UVRAG: variants seen among roughly 807,000 people sequenced by gnomAD.
The protein encoded by UVRAG is UV radiation resistance-associated gene protein.
A neutral mutation model predicts 78.0 loss-of-function variants in UVRAG; 19 were observed. The observed-to-expected ratio is 0.24, with a 90% CI of 0.17 to 0.36. The LOEUF (loss-of-function observed/expected upper bound fraction) is 0.36. Among genes scored for constraint, UVRAG ranks in the 10% least tolerant of loss-of-function variants. The pLI, the probability that UVRAG is intolerant of heterozygous loss-of-function variation, is 1.00. For missense variants in UVRAG, 740 were observed against 853.8 expected (o/e 0.87, Z 1.66); for synonymous variants, 323 against 324.6 (o/e 1.00, Z 0.05).
intron 1 of UVRAG, among the ~76,000 whole-genome samples, chr11:75,841,417 G>A (rs900325420): frequency 3.9e-5 from 6 of 152,124 alleles, no homozygotes; most frequent in Admixed American, 2.0e-4. Context: ...ACTGAAAAGC[G>A]TAAAAGATTT....
intron 6 of UVRAG, among the ~76,000 whole-genome samples, chr11:75,950,962 G>GCACACACACA (rs1565395206): frequency 3.2e-5 from 4 of 125,972 alleles, no homozygotes; most frequent in African/African-American, 1.5e-4. Context: ...TTTGTCAGGT[G>GCACACACACA]TACACACACA....
chr11:75,869,396 T>C (rs1352026879), intron 3 of UVRAG, among the ~76,000 whole-genome samples: 1 of 152,244 alleles, frequency 6.6e-6, no homozygotes, highest in Non-Finnish European at 1.5e-5. Context: ...TATGAGTTAC[T>C]GGTCTGAGTG....
intron 5 of UVRAG, among the ~76,000 whole-genome samples, chr11:75,907,878 G>T (rs1224282290): frequency 2.0e-5 from 3 of 151,986 alleles, no homozygotes; most frequent in African/African-American, 7.3e-5. Flanking sequence ...GCTGTTCATG[G>T]TGTATAATCT....
Position 76,140,832 on chromosome 11 carries a change from G to A in UVRAG, c.1519G>A (p.Ala507Thr). The A allele has an allele frequency of 6.2e-7, 1 of 1,614,096 alleles. No individual in the cohort carries two copies. The highest frequency in any genetic ancestry group is 8.5e-7 in the Non-Finnish European group (1 of 1,180,026). Residue 507 changes from alanine (A) to threonine (T), a missense_variant, in exon 15 of 15, where the codon GCC becomes ACC. Coordinates refer to ENST00000356136, the MANE Select transcript of UVRAG (RefSeq NM_003369.4). The stretch of plus-strand genomic sequence containing the variant: ...ACCAGACAAAGGACATCGAAAACGG[G>A]CCAGCTCTGAGAATGAGAGACTTCA... ...PSPDKGHRKR[A>T]SSENERLQYK...
intron 14 of UVRAG, among the ~76,000 whole-genome samples, chr11:76,140,112 C>CCTCTCTCTCTCT (rs745755879): frequency 1.8e-4 from 2 of 11,292 alleles, no homozygotes; most frequent in African/African-American, 9.8e-4. Flanking sequence ...TCCCTCCCTC[C>CCTCTCTCTCTCT]CTCTCTCTCT....
intron 14 of UVRAG, among the ~76,000 whole-genome samples, chr11:76,133,240 G>A (rs981927251): frequency 6.6e-6 from 1 of 152,052 alleles, no homozygotes; most frequent in African/African-American, 2.4e-5. Context: ...GTAACTATTG[G>A]TAGCTATAAC....
chr11:75,824,220 A>G (rs902035680), intron 1 of UVRAG, among the ~76,000 whole-genome samples: 2 of 152,212 alleles, frequency 1.3e-5, no homozygotes, highest in East Asian at 1.9e-4. Flanking sequence ...TTGAGTATCT[A>G]AAAAGTAAAA....
chr11:75,982,590 G>A (rs1027199184), intron 7 of UVRAG, among the ~76,000 whole-genome samples: 14 of 152,310 alleles, frequency 9.2e-5, no homozygotes, highest in African/African-American at 3.4e-4. Flanking sequence ...CATGGGACTC[G>A]TTTGGTTACT....
chr11:76,068,818 T>A (rs972766609), intron 13 of UVRAG, among the ~76,000 whole-genome samples: 4 of 152,240 alleles, frequency 2.6e-5, no homozygotes, highest in African/African-American at 9.6e-5. Flanking sequence ...TTTTGAAGGT[T>A]TATTTTTATA....
chr11:76,111,114 T>C (rs73498256), intron 13 of UVRAG, among the ~76,000 whole-genome samples: 3,245 of 152,180 alleles, frequency 0.021, 119 homozygotes, highest in African/African-American at 0.074. Flanking sequence ...TGAATATGTT[T>C]GTTTAAGTCA....
intron 14 of UVRAG, among the ~76,000 whole-genome samples, chr11:76,132,431 T>C (rs1216394160): frequency 6.6e-6 from 1 of 152,204 alleles, no homozygotes; most frequent in Admixed American, 6.5e-5. Flanking sequence ...GGAAACATTT[T>C]GTAGGGAGGG....
chr11:75,882,244 C>T (rs1299663319), intron 4 of UVRAG, among the ~76,000 whole-genome samples: 1 of 152,024 alleles, frequency 6.6e-6, no homozygotes, highest in Non-Finnish European at 1.5e-5. Flanking sequence ...GGTGTGGTGG[C>T]TCATGCCTGT....
At chr11:75,942,358 C>CTT (rs1948501169) in intron 6 of UVRAG, 1 of 153,012 alleles carries the variant, frequency 6.5e-6, no homozygotes, top group African/African-American at 2.4e-5. Context: ...TGTCTAATGA[C>CTT]TTTGAATAAA....
rs368442775 is a variant in UVRAG, at chr11:76,103,401, C to T, written c.1306-12523C>T. On this transcript the variant is annotated intron_variant, in intron 13 of 14. Transcript: ENST00000356136. The stretch of plus-strand genomic sequence containing the variant: ...TGAGTCATTTTGTGATACCCAATCA[C>T]ACCTTTCACGTATATTTATTACATA... Among the ~76,000 whole-genome samples the T allele has an allele frequency of 3.9e-5, 6 of 152,270 alleles. No individual in the cohort carries two copies. In the East Asian group the frequency reaches 7.7e-4, roughly 20 times the overall value.
At chr11:76,059,976 A>G (rs1252881491) in intron 12 of UVRAG, among the ~76,000 whole-genome samples, 1 of 152,230 alleles carries the variant, frequency 6.6e-6, no homozygotes, top group Non-Finnish European at 1.5e-5. Context: ...AGTTGCCATC[A>G]AATAACTAAA....
chr11:76,101,837 A>G (rs978394564), intron 13 of UVRAG, among the ~76,000 whole-genome samples: 3 of 152,206 alleles, frequency 2.0e-5, no homozygotes, highest in Non-Finnish European at 2.9e-5. Flanking sequence ...TTGAATAGGG[A>G]GTCCTTTCTC....
intron 4 of UVRAG, among the ~76,000 whole-genome samples, chr11:75,881,220 G>A (rs1319028925): frequency 1.3e-5 from 2 of 152,140 alleles, no homozygotes; most frequent in Non-Finnish European, 2.9e-5. Flanking sequence ...GCCAAGATAG[G>A]ATGTGCCTGT....
chr11:76,102,493 A>T (rs4378418), intron 13 of UVRAG, among the ~76,000 whole-genome samples: 6,638 of 152,224 alleles, frequency 0.044, 478 homozygotes, highest in African/African-American at 0.15. Flanking sequence ...TTTTGGAGAT[A>T]TAAAATCATG....
At chr11:75,911,904 A>T (rs1163171545) in intron 5 of UVRAG, 50 bp from the exon 6 acceptor site, 1 of 1,182,382 alleles carries the variant, frequency 8.5e-7, no homozygotes, top group Non-Finnish European at 1.3e-6. Context: ...ATTTGTGCAT[A>T]TATTTTATTT....
Sources: gnomAD v4.1 joint callset for allele counts (sites outside exome capture counted in the v4.1 genomes callset) on GRCh38, gnomAD v4.1.1 for gene constraint, MANE v1.5 for transcripts, NCBI Gene and HGNC (gene_info 2026-07-23, HGNC 2026-07-21) for gene names.